The following MDGA2 variants were observed in gnomAD, a reference collection of about 807,000 sequenced individuals.
The protein encoded by MDGA2 is MAM domain-containing glycosylphosphatidylinositol anchor protein 2.
In MDGA2, 40 loss-of-function variants were observed where a neutral mutation model predicts 117.8. The ratio of observed to expected loss-of-function variants is 0.34; its 90% CI spans 0.26 to 0.44. The LOEUF (loss-of-function observed/expected upper bound fraction) is 0.44. Ranked by LOEUF, MDGA2 falls within the 20% of genes least tolerant of loss-of-function variation. The probability of loss-of-function intolerance (pLI) is 1.00; values close to 1 mark genes in which losing one functional copy is unlikely to be tolerated. For synonymous variants in MDGA2, 452 were observed against 439.0 expected, an observed-to-expected ratio of 1.03 and a Z score of -0.37; for missense variants, 1,123 against 1,250.6, an observed-to-expected ratio of 0.90 and a Z score of 1.54.
intron 1 of MDGA2, among the ~76,000 whole-genome samples, chr14:47,375,769 A>C (rs1233054390): frequency 6.6e-6 from 1 of 152,062 alleles, no homozygotes; most frequent in Non-Finnish European, 1.5e-5. Flanking sequence ...CAATGTAACT[A>C]TTTTGTGTTT....
At chr14:47,284,498 G>A (rs2139749302) in intron 2 of MDGA2, among the ~76,000 whole-genome samples, 1 of 152,280 alleles carries the variant, frequency 6.6e-6, no homozygotes, top group Non-Finnish European at 1.5e-5. Flanking sequence ...TAGTAGGTAA[G>A]ATGGCCTTCA....
chr14:46,975,751 A>T (rs1289918354), intron 8 of MDGA2, among the ~76,000 whole-genome samples: 2 of 152,074 alleles, frequency 1.3e-5, no homozygotes, highest in African/African-American at 4.8e-5. Flanking sequence ...GTGGCTTATA[A>T]ATATTTATTT....
intron 1 of MDGA2, chr14:47,343,127 A>G (rs777443037): frequency 1.6e-6 from 2 of 1,218,900 alleles, no homozygotes; most frequent in South Asian, 2.8e-5. Context: ...GAGGCACACA[A>G]TAATGAAACA....
intron 10 of MDGA2, among the ~76,000 whole-genome samples, chr14:46,886,209 T>A (rs1252782367): frequency 6.6e-6 from 1 of 152,100 alleles, no homozygotes; most frequent in East Asian, 1.9e-4. Context: ...ATTCTTATAC[T>A]TGGAAACAAG....
intron 1 of MDGA2, among the ~76,000 whole-genome samples, chr14:47,438,588 A>G (rs1892942145): frequency 6.6e-6 from 1 of 152,114 alleles, no homozygotes; most frequent in Admixed American, 6.5e-5. Flanking sequence ...CCATTATGAC[A>G]TTTTCAAGAG....
chr14:46,849,105 T>C (rs60221090), intron 15 of MDGA2, among the ~76,000 whole-genome samples: 5,457 of 152,086 alleles, frequency 0.036, 335 homozygotes, highest in African/African-American at 0.12. Context: ...TAGTTATTTA[T>C]TGGTATGATA....
intron 1 of MDGA2, among the ~76,000 whole-genome samples, chr14:47,517,484 A>C (rs1291594107): frequency 6.6e-6 from 1 of 152,226 alleles, no homozygotes; most frequent in Non-Finnish European, 1.5e-5. Flanking sequence ...CTTCATTTTA[A>C]AAAAGCAATA....
chr14:47,672,683 G>T (rs894479496), intron 1 of MDGA2, among the ~76,000 whole-genome samples: 10 of 152,148 alleles, frequency 6.6e-5, no homozygotes, highest in African/African-American at 1.7e-4. Flanking sequence ...TAGCTAAGAT[G>T]ATCTGAATCA....
chr14:47,028,567 C>T (rs1229214906), intron 8 of MDGA2, among the ~76,000 whole-genome samples: 4 of 152,146 alleles, frequency 2.6e-5, no homozygotes, highest in Non-Finnish European at 5.9e-5. Context: ...CTTCTACATA[C>T]TAATGCTAGT....
At chr14:47,497,094 C>T (rs1894297322) in intron 1 of MDGA2, among the ~76,000 whole-genome samples, 1 of 152,116 alleles carries the variant, frequency 6.6e-6, no homozygotes, top group African/African-American at 2.4e-5. Flanking sequence ...GCTAATAGGC[C>T]ATGGACTGGT....
rs72670802 is a variant in MDGA2 at position 47,624,767 on chromosome 14, T to C, written c.280+49750A>G. On this transcript the variant is annotated intron_variant, in intron 1 of 16. Transcript: ENST00000399232. Reference sequence around the variant, plus strand: ...TCAACCTAGGGAAACATAACATTTCTGCTTATCTTCTTCATAACAAGAAAT... The same window carrying C: ...TCAACCTAGGGAAACATAACATTTCCGCTTATCTTCTTCATAACAAGAAAT... Among the ~76,000 whole-genome samples, 1,289 of 152,284 alleles carry C rather than the reference T, an allele frequency of 8.5e-3. 6 individuals carry two copies. The highest frequency in any genetic ancestry group is 0.014 in the Non-Finnish European group (920 of 68,004).
At chr14:47,062,074 A>ATAGAT (rs2138789648) in intron 6 of MDGA2, among the ~76,000 whole-genome samples, 1 of 152,216 alleles carries the variant, frequency 6.6e-6, no homozygotes, top group East Asian at 1.9e-4. Flanking sequence ...GTTGATCAAC[A>ATAGAT]CTAGTTCGGT....
chr14:46,947,725 G>T (rs1418375756), intron 9 of MDGA2, among the ~76,000 whole-genome samples: 15 of 151,838 alleles, frequency 9.9e-5, no homozygotes, highest in African/African-American at 3.6e-4. Context: ...CCCAGCTACG[G>T]AACTGTAAGT....
rs370711637 is a variant in MDGA2, at chr14:47,260,157, A to C, written c.420+41254T>G. On this transcript the variant is annotated intron_variant, in intron 2 of 16. Transcript: ENST00000399232. ...TGGCCCAAAATATAAGAATATGTGAAAAACTGACCTGCCTGGAGAAAATGG... is the reference window on the plus strand; with the variant it reads ...TGGCCCAAAATATAAGAATATGTGACAAACTGACCTGCCTGGAGAAAATGG... Among the ~76,000 whole-genome samples, 90 of 152,194 alleles carry C rather than the reference A, an allele frequency of 5.9e-4. No individual in the cohort carries two copies. In the South Asian group the frequency reaches 0.018, roughly 30 times the overall value.
intron 1 of MDGA2, among the ~76,000 whole-genome samples, chr14:47,617,416 C>G (rs1896966639): frequency 6.6e-6 from 1 of 152,030 alleles, no homozygotes; most frequent in African/African-American, 2.4e-5. Flanking sequence ...GTTGGCCAGG[C>G]TGCTCTTGAA....
chr14:47,018,733 GAAAAAAA>G (rs60442845), intron 8 of MDGA2, among the ~76,000 whole-genome samples: 12 of 38,654 alleles, frequency 3.1e-4, no homozygotes, highest in African/African-American at 7.9e-4. Context: ...CCATTTTACT[GAAAAAAA>G]AAAAAAAAAA....
At chr14:47,332,802 C>T (rs1890331372) in intron 1 of MDGA2, among the ~76,000 whole-genome samples, 1 of 151,750 alleles carries the variant, frequency 6.6e-6, no homozygotes, top group Non-Finnish European at 1.5e-5. Flanking sequence ...CAGCCCTCGC[C>T]CCCTCCCAAC....
At chr14:47,578,798 C>G (rs17118950) in intron 1 of MDGA2, among the ~76,000 whole-genome samples, 4 of 152,048 alleles carry the variant, frequency 2.6e-5, no homozygotes, top group Non-Finnish European at 5.9e-5. Context: ...TTGTTAGAGG[C>G]TACATGATGT....
intron 5 of MDGA2, among the ~76,000 whole-genome samples, chr14:47,129,296 G>A (rs1477440213): frequency 3.4e-5 from 5 of 148,310 alleles, no homozygotes; most frequent in Non-Finnish European, 7.4e-5. Flanking sequence ...CTGTGTCCAT[G>A]TGATCTCATT....
Sources: gnomAD v4.1 joint callset for allele counts (sites outside exome capture counted in the v4.1 genomes callset) on GRCh38, gnomAD v4.1.1 for gene constraint, MANE v1.5 for transcripts, NCBI Gene and HGNC (gene_info 2026-07-23, HGNC 2026-07-21) for gene names.